The following AURKC variants were observed in gnomAD, a reference collection of about 807,000 sequenced individuals.
AURKC encodes the protein ARK-3.
In AURKC, 15 loss-of-function variants were observed where a neutral mutation model predicts 29.2. The ratio of observed to expected loss-of-function variants is 0.51; its 90% CI spans 0.34 to 0.79. The LOEUF (loss-of-function observed/expected upper bound fraction) is 0.79, where lower values mean the gene tolerates loss of function less well. Ranked by LOEUF, AURKC falls within the 30% of genes least tolerant of loss-of-function variation. The pLI is 0.01. For missense variants in AURKC, 332 were observed against 383.2 expected (o/e 0.87, Z 1.12); for synonymous variants, 150 against 149.9 (o/e 1.00, Z -0.01).
intron 5 of AURKC, among the ~76,000 whole-genome samples, 173 bp downstream of exon 5, chr19:57,233,781 T>C (rs1568484609): frequency 6.6e-6 from 1 of 151,900 alleles, no homozygotes; most frequent in Non-Finnish European, 1.5e-5. Flanking sequence ...AGAGTCTAAC[T>C]CTTTCACCCA....
At chr19:57,231,989 A>G (rs1361360717) in intron 2 of AURKC, 44 bp from the exon 3 acceptor site, 12 of 1,612,756 alleles carry the variant, frequency 7.4e-6, no homozygotes, top group South Asian at 1.1e-5. Context: ...CCCTCCGCCT[A>G]CCCTACCTCC....
At position 57,232,111 on chromosome 19, in the gene AURKC, G is replaced by A. The variant is rs765467432; in HGVS notation, c.183G>A (p.Arg61=). Residue 61 remains arginine, a synonymous_variant, in exon 3 of 7, where the codon CGG becomes CGA. Coordinates refer to ENST00000302804, the MANE Select transcript of AURKC (RefSeq NM_001015878.2). This position sits in a 1 kb window ranked among gnomAD's most constrained non-coding sequence, Gnocchi z 4.5. ...AATTTGGGAATGTGTACCTGGCTCGGCTCAAGGAAAGCCATTTCATTGTGG... is the reference window on the plus strand; with the variant it reads ...AATTTGGGAATGTGTACCTGGCTCGACTCAAGGAAAGCCATTTCATTGTGG... ...KGKFGNVYLA[R]LKESHFIVAL... 13 of 1,613,954 alleles carry A rather than the reference G, an allele frequency of 8.1e-6. No homozygotes were observed. In the South Asian group the frequency reaches 9.9e-5, roughly 12 times the overall value.
chr19:57,231,468 C>A, intron 1 of AURKC, 162 bp downstream of exon 1: 1 of 859,620 alleles, frequency 1.2e-6, no homozygotes, highest in Non-Finnish European at 1.9e-6. Flanking sequence ...CTTTCTTTCA[C>A]CTCTCCCTCC....
intron 1 of AURKC, 140 bp downstream of exon 1, chr19:57,231,446 T>G: frequency 1.1e-6 from 1 of 943,930 alleles, no homozygotes; most frequent in Non-Finnish European, 1.6e-6. Context: ...ACTCCCTCCC[T>G]TCCCTCCAAT....
intron 1 of AURKC, chr19:57,231,510 C>T (rs2087489372): frequency 8.0e-6 from 6 of 748,824 alleles, no homozygotes; most frequent in South Asian, 3.4e-5. Context: ...TTTCTCTCTG[C>T]CTCTTCTTCA....
rs748071695 is a variant in AURKC at position 57,235,466 on chromosome 19, G to A, written c.*49G>A. The A allele has an allele frequency of 8.1e-6, 13 of 1,603,454 alleles. No homozygotes were observed. In the South Asian group the frequency reaches 1.1e-4, roughly 14 times the overall value. On this transcript the variant is annotated 3_prime_UTR_variant, in exon 7 of 7. Transcript: ENST00000302804. ...TGTGTGTGTTCAGGGAGCTCTCCTG[G>A]CTCTGCCACCTCATTTGTCTTTATT... is the stretch of plus-strand genomic sequence containing the variant.
In AURKC at chr19:57,232,038, G is replaced by A; in HGVS notation, c.110G>A (p.Arg37His). 1.9e-6 allele frequency: 3 copies of A among 1,614,050 alleles called. No homozygotes were observed. The highest frequency in any genetic ancestry group is 2.5e-6 in the Non-Finnish European group (3 of 1,180,006). Residue 37 changes from arginine (R) to histidine (H), a missense_variant, in exon 3 of 7, where the codon CGC becomes CAC. Physicochemically the swap from Arg to His is conservative, Grantham distance 29. Transcript: ENST00000302804. The surrounding 1 kb of genome is among the most constrained non-coding windows in gnomAD (Gnocchi z 4.5). ...AQQPSSPAMRRLTVDDFEIGR... is the reference protein window; with the variant it reads ...AQQPSSPAMRHLTVDDFEIGR... ...TTTTCTTCCTCTCCTGTCAGGCGGC[G>A]CCTCACAGTCGATGACTTTGAAATC...
rs759108151 is a variant in AURKC, at chr19:57,232,518, A to C, written c.297-24A>C. Reference sequence around the variant, plus strand: ...ATGATAGGCCTCAGGGAGAAATCTGACTCTTCCAACATTAATCCTTCAGAC... The same window carrying C: ...ATGATAGGCCTCAGGGAGAAATCTGCCTCTTCCAACATTAATCCTTCAGAC... On this transcript the variant is annotated intron_variant, in intron 3 of 6. Transcript: ENST00000302804. The surrounding 1 kb of genome is among the most constrained non-coding windows in gnomAD (Gnocchi z 4.5). 9.9e-6 allele frequency: 16 copies of C among 1,613,800 alleles called. No individual in the cohort carries two copies. In the Admixed American group the frequency reaches 2.5e-4, roughly 25 times the overall value.
In AURKC at chr19:57,233,489, C is replaced by G; in HGVS notation, c.465C>G (p.Thr155=). The change falls in exon 5 of 7, where the codon ACC becomes ACG. Residue 155 remains threonine, a synonymous_variant. Transcript: ENST00000302804. ...TAGAGGAGTTGGCAGATGCCCTGAC[C>G]TACTGCCATGACAAGAAAGTGATTC... ...TIIEELADAL[T]YCHDKKVIHR... The G allele has an allele frequency of 6.2e-7, 1 of 1,614,142 alleles. No individual in the cohort carries two copies. The highest frequency in any genetic ancestry group is 1.7e-5 in the Admixed American group (1 of 60,008).
rs781436871 is a variant in AURKC at position 57,232,138 on chromosome 19, C to T, written c.210C>T (p.Ala70=). The T allele has an allele frequency of 1.2e-6, 2 of 1,613,990 alleles. No individual in the cohort carries two copies. The highest frequency in any genetic ancestry group is 1.7e-6 in the Non-Finnish European group (2 of 1,179,994). ...TCAAGGAAAGCCATTTCATTGTGGC[C>T]CTGAAGGTTCTCTTCAAGTCGCAGA... ...ARLKESHFIV[A]LKVLFKSQIE... Residue 70 remains alanine, a synonymous_variant, in exon 3 of 7, where the codon GCC becomes GCT. Coordinates refer to ENST00000302804, the MANE Select transcript of AURKC (RefSeq NM_001015878.2). This position sits in a 1 kb window ranked among gnomAD's most constrained non-coding sequence, Gnocchi z 4.5.
rs1544492 is a variant in AURKC, at chr19:57,234,704, C to T, written c.585-180C>T. Among the ~76,000 whole-genome samples the T allele has an allele frequency of 0.33, 50,131 of 151,960 alleles. 8,879 individuals are homozygous for T. The highest frequency in any genetic ancestry group is 0.69 in the East Asian group (3,531 of 5,152). On this transcript the variant is annotated intron_variant, in intron 5 of 6. Transcript: ENST00000302804. ...AAAATATGGATTTATTAATAGTAGG[C>T]CCCAGTACTTTTCTGAACCTTGATC... is the stretch of plus-strand genomic sequence containing the variant.
chr19:57,231,042 TA>T lies in AURKC; in HGVS notation c.-203del. On this transcript the variant is annotated 5_prime_UTR_variant, in exon 1 of 7. Coordinates refer to ENST00000302804, the MANE Select transcript of AURKC (RefSeq NM_001015878.2). ...CTCTCTGAGCGGTTGGTGCCGGGTA[TA>T]AAAGAAGGCCGCGCAGCCACGGCTG... The T allele has an allele frequency of 2.4e-6, 3 of 1,242,926 alleles. No homozygotes were observed. The highest frequency in any genetic ancestry group is 3.5e-6 in the Non-Finnish European group (3 of 864,712). 77.0% of individuals were successfully genotyped at this position (1,242,926 alleles called of 1,614,324 possible).
At chr19:57,235,203 AG>A in intron 6 of AURKC, 43 bp from the exon 7 acceptor site, 1 of 1,613,652 alleles carries the variant, frequency 6.2e-7, no homozygotes. Context: ...CATTGATCAA[AG>A]AAATTAACCA....
Position 57,231,033 on chromosome 19 carries a change from T to C in AURKC, c.-216T>C, listed in dbSNP as rs567265006. On this transcript the variant is annotated 5_prime_UTR_variant, in exon 1 of 7. Transcript: ENST00000302804. Reference sequence around the variant, plus strand: ...AGGAAGTACCTCTCTGAGCGGTTGGTGCCGGGTATAAAAGAAGGCCGCGCA... The same window carrying C: ...AGGAAGTACCTCTCTGAGCGGTTGGCGCCGGGTATAAAAGAAGGCCGCGCA... The C allele has an allele frequency of 1.5e-5, 17 of 1,127,094 alleles. No individual in the cohort carries two copies. Among genetic ancestry groups the C allele is most frequent in the Admixed American group, 2.0e-5 (1 of 49,708 alleles). The allele number at this position is 1,127,094 out of a possible 1,614,324, so 69.8% of individuals were successfully genotyped here. A position where few individuals can be genotyped will look rare whatever the true frequency, so the allele number is the denominator to read the frequency against.
chr19:57,233,236 G>T (rs2122805534), intron 4 of AURKC, among the ~76,000 whole-genome samples: 1 of 152,292 alleles, frequency 6.6e-6, no homozygotes, highest in Non-Finnish European at 1.5e-5. Flanking sequence ...TAGGACAACA[G>T]GGAGGATCTG....
At position 57,232,222 on chromosome 19, in the gene AURKC, A is replaced by G. The variant is rs1599972328; in HGVS notation, c.294A>G (p.Leu98=). Residue 98 remains leucine, a splice_region_variant and synonymous_variant, in exon 3 of 7, where the codon CTA becomes CTG. Coordinates refer to ENST00000302804, the MANE Select transcript of AURKC (RefSeq NM_001015878.2). The surrounding 1 kb of genome is among the most constrained non-coding windows in gnomAD (Gnocchi z 4.5). ...GGGAAATTGAGATCCAGGCTCATCT[A>G]CAGTAAGGACAGTCTCTGCTTCCTC... ...LRREIEIQAH[L]QHPNILRLYN... 2.5e-6 allele frequency: 4 copies of G among 1,613,818 alleles called. No individual in the cohort carries two copies. The East Asian group carries it at 6.7e-5, about 27-fold the overall frequency.
intron 1 of AURKC, 21 bp from the exon 2 acceptor site, chr19:57,231,717 TCTCC>T (rs771069422): frequency 6.2e-7 from 1 of 1,612,288 alleles, no homozygotes; most frequent in South Asian, 1.1e-5. Flanking sequence ...TCCCTTCCTA[TCTCC>T]CTCCTCCTCC....
chr19:57,233,668 A>C (rs2087516940), intron 5 of AURKC, 60 bp downstream of exon 5: 1 of 1,608,588 alleles, frequency 6.2e-7, no homozygotes, highest in East Asian at 2.2e-5. Flanking sequence ...GACCCAGTTT[A>C]ATGTATTTCA....
chr19:57,232,481 C>T lies in AURKC; in HGVS notation c.297-61C>T, dbSNP rs544037216. On this transcript the variant is annotated intron_variant, in intron 3 of 6. Transcript: ENST00000302804. The surrounding 1 kb of genome is among the most constrained non-coding windows in gnomAD (Gnocchi z 4.5). ...TGCCACTTGTGTGACCAGGCAGTGACGGTGGCATCATATGATAGGCCTCAG... is the reference window on the plus strand; with the variant it reads ...TGCCACTTGTGTGACCAGGCAGTGATGGTGGCATCATATGATAGGCCTCAG... The T allele has an allele frequency of 3.2e-5, 52 of 1,611,312 alleles. No individual in the cohort carries two copies. The highest frequency in any genetic ancestry group is 4.2e-5 in the Non-Finnish European group (49 of 1,178,438).
Sources: gnomAD v4.1 joint callset for allele counts (sites outside exome capture counted in the v4.1 genomes callset) on GRCh38, gnomAD v4.1.1 for gene constraint, Gnocchi (gnomAD v3.1) non-coding constraint, MANE v1.5 for transcripts, NCBI Gene and HGNC (gene_info 2026-07-23, HGNC 2026-07-21) for gene names.